The following ELP4 variants were observed in gnomAD, a reference collection of about 807,000 sequenced individuals.
ELP4 encodes elongator acetyltransferase complex subunit 4.
A neutral mutation model predicts 48.9 loss-of-function variants in ELP4; 51 were observed. The observed-to-expected ratio is 1.04, with a 90% CI of 0.83 to 1.32. The LOEUF is 1.32. Among genes scored for constraint, ELP4 ranks in the 40% most tolerant of loss-of-function variants. The pLI is 0.00. For missense variants in ELP4, 519 were observed against 514.6 expected (o/e 1.01, Z -0.08); for synonymous variants, 210 against 189.2 (o/e 1.11, Z -0.90).
chr11:31,765,507 C>T (rs1325240934), intron 9 of ELP4, among the ~76,000 whole-genome samples: 2 of 152,054 alleles, frequency 1.3e-5, no homozygotes, highest in African/African-American at 4.8e-5. Context: ...AGGGCAACTA[C>T]CAAAATCTTA....
chr11:31,701,972 G>A lies in ELP4; in HGVS notation c.1143+51751G>A, dbSNP rs377761269. On this transcript the variant is annotated intron_variant, in intron 9 of 9. Coordinates refer to ENST00000640961, the MANE Select transcript of ELP4 (RefSeq NM_019040.5). ...TCAACTGTTAGCCACAGTACGAAGC[G>A]AATAATATATTGATGAATTATGTTT... Among the ~76,000 whole-genome samples, 29 of 152,070 alleles carry A rather than the reference G, an allele frequency of 1.9e-4. No individual in the cohort carries two copies. In the South Asian group the frequency reaches 2.3e-3, roughly 12 times the overall value.
At chr11:31,706,657 CA>C (rs1484547201) in intron 9 of ELP4, among the ~76,000 whole-genome samples, 8 of 148,988 alleles carry the variant, frequency 5.4e-5, no homozygotes, top group East Asian at 2.0e-4. Flanking sequence ...CTAATATTTT[CA>C]AAAAAAGAAC....
At chr11:31,577,919 A>G (rs1957314030) in intron 3 of ELP4, among the ~76,000 whole-genome samples, 1 of 152,224 alleles carries the variant, frequency 6.6e-6, no homozygotes, top group African/African-American at 2.4e-5. Context: ...ACTCCCATTC[A>G]ACATAGTGTT....
intron 3 of ELP4, among the ~76,000 whole-genome samples, chr11:31,552,701 G>C (rs1437465521): frequency 1.3e-5 from 2 of 152,032 alleles, no homozygotes; most frequent in Non-Finnish European, 2.9e-5. Context: ...TCTTCAGTCT[G>C]ATCTCACCAA....
At chr11:31,726,658 G>GA (rs796754577) in intron 9 of ELP4, among the ~76,000 whole-genome samples, 75 of 143,406 alleles carry the variant, frequency 5.2e-4, no homozygotes, top group South Asian at 1.6e-3. Context: ...TGGCCAAAAA[G>GA]AAAAAAAAAA....
chr11:31,627,123 G>T lies in ELP4; in HGVS notation c.667G>T (p.Gly223Cys). Residue 223 changes from glycine (G) to cysteine (C), a missense_variant, in exon 6 of 10, where the codon GGC becomes TGC. By Grantham distance (159) the Gly-to-Cys change is radical. Transcript: ENST00000640961. The part of the protein sequence containing the change: ...LKVEPCSLTP[G>C]YTKLLQFIQN... ...TTTTACCAACAGTTCTTTGACCCCTGGCTACACAAAGCTGCTTCAGTTTAT... is the reference window on the plus strand; with the variant it reads ...TTTTACCAACAGTTCTTTGACCCCTTGCTACACAAAGCTGCTTCAGTTTAT... 1 of 1,606,798 alleles carries T rather than the reference G, an allele frequency of 6.2e-7. No homozygotes were observed. The highest frequency in any genetic ancestry group is 1.7e-5 in the Admixed American group (1 of 59,750).
intron 3 of ELP4, among the ~76,000 whole-genome samples, chr11:31,588,732 C>T (rs1957519177): frequency 1.3e-5 from 2 of 152,152 alleles, no homozygotes; most frequent in Non-Finnish European, 2.9e-5. Context: ...CCTATAATCC[C>T]AACACTTTGG....
chr11:31,552,607 C>T (rs890369312), intron 3 of ELP4, among the ~76,000 whole-genome samples: 14 of 152,102 alleles, frequency 9.2e-5, no homozygotes, highest in African/African-American at 2.7e-4. Flanking sequence ...CCTATACTCT[C>T]CTTCAATATC....
chr11:31,741,133 C>T (rs1216829726), intron 9 of ELP4, among the ~76,000 whole-genome samples: 2 of 152,040 alleles, frequency 1.3e-5, no homozygotes, highest in African/African-American at 2.4e-5. Context: ...CATGGAGTCT[C>T]GCTTATTGCT....
At chr11:31,535,334 GTTTA>G (rs1198251387) in intron 2 of ELP4, among the ~76,000 whole-genome samples, 2 of 152,042 alleles carry the variant, frequency 1.3e-5, no homozygotes, top group Non-Finnish European at 2.9e-5. Context: ...GCACCCATTT[GTTTA>G]TTTATTTTAT....
intron 9 of ELP4, among the ~76,000 whole-genome samples, chr11:31,666,489 C>A (rs1397703319): frequency 6.6e-6 from 1 of 151,898 alleles, no homozygotes; most frequent in Admixed American, 6.6e-5. Context: ...GTCAGGAGAT[C>A]GAGACGATTC....
At chr11:31,668,789 G>A (rs1945741105) in intron 9 of ELP4, among the ~76,000 whole-genome samples, 1 of 150,702 alleles carries the variant, frequency 6.6e-6, no homozygotes, top group Non-Finnish European at 1.5e-5. Flanking sequence ...GGATGAAGCT[G>A]TTTCTTATTT....
intron 9 of ELP4, among the ~76,000 whole-genome samples, chr11:31,696,233 T>C (rs1194456459): frequency 2.0e-5 from 3 of 152,190 alleles, no homozygotes; most frequent in Non-Finnish European, 4.4e-5. Flanking sequence ...TTGCTCTTGC[T>C]TCTCTAGTTC....
intron 9 of ELP4, among the ~76,000 whole-genome samples, chr11:31,766,627 C>A (rs1289040848): frequency 6.6e-6 from 1 of 151,892 alleles, no homozygotes; most frequent in Non-Finnish European, 1.5e-5. Context: ...TTAAGATAGA[C>A]TGTTGAAATA....
At chr11:31,778,569 G>A (rs1948296957) in intron 9 of ELP4, among the ~76,000 whole-genome samples, 1 of 152,196 alleles carries the variant, frequency 6.6e-6, no homozygotes, top group Non-Finnish European at 1.5e-5. Context: ...ATAAATTAGT[G>A]TAGAACTTGA....
At chr11:31,739,119 T>A (rs1947390197) in intron 9 of ELP4, among the ~76,000 whole-genome samples, 1 of 152,124 alleles carries the variant, frequency 6.6e-6, no homozygotes, top group Admixed American at 6.5e-5. Context: ...GCTATTTTGA[T>A]CTCATACACC....
At chr11:31,534,321 A>G (rs992740713) in intron 2 of ELP4, among the ~76,000 whole-genome samples, 2 of 151,042 alleles carry the variant, frequency 1.3e-5, no homozygotes, top group Non-Finnish European at 2.9e-5. Context: ...GAAAGAGGAG[A>G]TATTGGGGAT....
intron 9 of ELP4, among the ~76,000 whole-genome samples, chr11:31,738,455 C>T (rs971231535): frequency 3.3e-4 from 50 of 151,266 alleles, no homozygotes; most frequent in Non-Finnish European, 6.0e-4. Context: ...ACAAAAAAGC[C>T]AGGCATAGTG....
chr11:31,558,178 T>G (rs1435621233), intron 3 of ELP4, among the ~76,000 whole-genome samples: 2 of 152,050 alleles, frequency 1.3e-5, no homozygotes, highest in Middle Eastern at 3.4e-3. Context: ...TGAGAGCTTA[T>G]TTAAAATTCT....
Sources: gnomAD v4.1 joint callset for allele counts (sites outside exome capture counted in the v4.1 genomes callset) on GRCh38, gnomAD v4.1.1 for gene constraint, MANE v1.5 for transcripts, NCBI Gene and HGNC (gene_info 2026-07-23, HGNC 2026-07-21) for gene names.